CNTN4: variants seen among roughly 807,000 people sequenced by gnomAD.
CNTN4 encodes the protein contactin 4.
A neutral mutation model predicts 122.5 loss-of-function variants in CNTN4; 77 were observed. The observed-to-expected ratio is 0.63, with a 90% CI of 0.52 to 0.76. CNTN4 has a LOEUF of 0.76. CNTN4 is among the 30% of genes least tolerant of loss of function. CNTN4 has a pLI of 0.00. For missense variants in CNTN4, 1,256 were observed against 1,259.1 expected (o/e 1.00, Z 0.04); for synonymous variants, 512 against 447.0 (o/e 1.15, Z -1.83).
intron 2 of CNTN4, among the ~76,000 whole-genome samples, chr3:2,290,849 A>G (rs2042107650): frequency 6.6e-6 from 1 of 152,220 alleles, no homozygotes; most frequent in Non-Finnish European, 1.5e-5. Flanking sequence ...CTTTCAACAG[A>G]AACTTCGGGT....
chr3:2,226,991 A>C (rs544424906), intron 2 of CNTN4, among the ~76,000 whole-genome samples: 1 of 152,300 alleles, frequency 6.6e-6, no homozygotes, highest in South Asian at 2.1e-4. Flanking sequence ...GATGTCACAC[A>C]GATATGTAAG....
intron 2 of CNTN4, among the ~76,000 whole-genome samples, chr3:2,317,708 G>A (rs1306182055): frequency 6.6e-6 from 1 of 152,154 alleles, no homozygotes; most frequent in East Asian, 1.9e-4. Context: ...AGAAATTGGA[G>A]CTGTTACACT....
In CNTN4 at chr3:2,328,385, G is replaced by A. The variant is rs546611729; in HGVS notation, c.-144-10793G>A. Among the ~76,000 whole-genome samples, 831 of 151,820 alleles carry A rather than the reference G, an allele frequency of 5.5e-3. 12 individuals carry two copies. Among genetic ancestry groups the A allele is most frequent in the Non-Finnish European group, 8.3e-3 (562 of 67,928 alleles). On this transcript the variant is annotated intron_variant, in intron 2 of 24. Coordinates refer to ENST00000418658, the MANE Select transcript of CNTN4 (RefSeq NM_175607.3). The stretch of plus-strand genomic sequence containing the variant: ...GGCGCCACCGCCCTCCAGCCTGGGC[G>A]ACAGAGCGAGACTCCGTCTCAAAAA...
At chr3:2,885,840 C>G (rs1199499534) in intron 9 of CNTN4, among the ~76,000 whole-genome samples, 3 of 152,142 alleles carry the variant, frequency 2.0e-5, no homozygotes, top group Non-Finnish European at 4.4e-5. Flanking sequence ...GAGTCTCACA[C>G]ACATTTCTGG....
intron 23 of CNTN4, among the ~76,000 whole-genome samples, chr3:3,044,252 A>C (rs1201080572): frequency 6.6e-6 from 1 of 152,202 alleles, no homozygotes; most frequent in East Asian, 1.9e-4. Flanking sequence ...AGCAATCAAA[A>C]AGGGTTATAA....
At chr3:2,286,985 TA>T (rs940864893) in intron 2 of CNTN4, among the ~76,000 whole-genome samples, 5 of 152,230 alleles carry the variant, frequency 3.3e-5, no homozygotes, top group Admixed American at 1.3e-4. Flanking sequence ...ATGAAGAATC[TA>T]AACAGTTTTG....
intron 2 of CNTN4, among the ~76,000 whole-genome samples, chr3:2,306,752 C>T (rs1685460): frequency 0.3 from 46,295 of 151,878 alleles, 8,361 homozygotes; most frequent in African/African-American, 0.5. Flanking sequence ...TCCATGAACA[C>T]GGGATGTCTT....
At chr3:2,621,189 C>T (rs990080459) in intron 4 of CNTN4, among the ~76,000 whole-genome samples, 8 of 152,166 alleles carry the variant, frequency 5.3e-5, no homozygotes, top group African/African-American at 9.7e-5. Flanking sequence ...TCCTCCTCAC[C>T]TTCTCATCGC....
At chr3:2,641,601 G>A (rs1217080970) in intron 4 of CNTN4, among the ~76,000 whole-genome samples, 1 of 152,150 alleles carries the variant, frequency 6.6e-6, no homozygotes, top group Non-Finnish European at 1.5e-5. Context: ...CAGTGGATGT[G>A]TTTGTGCACC....
At chr3:2,445,302 G>A (rs2048583906) in intron 3 of CNTN4, among the ~76,000 whole-genome samples, 1 of 152,118 alleles carries the variant, frequency 6.6e-6, no homozygotes. Context: ...GTTAGAGGAG[G>A]ACCTGCATAT....
intron 2 of CNTN4, among the ~76,000 whole-genome samples, chr3:2,325,211 G>A (rs4685508): frequency 0.43 from 64,773 of 152,000 alleles, 14,609 homozygotes; most frequent in East Asian, 0.8. Context: ...CAAATAGGAG[G>A]ATCCATTTGT....
chr3:2,382,314 C>T (rs1487978781), intron 3 of CNTN4, among the ~76,000 whole-genome samples: 2 of 151,784 alleles, frequency 1.3e-5, no homozygotes, highest in Non-Finnish European at 2.9e-5. Flanking sequence ...GGATTACAGG[C>T]GCGCTGTAAT....
intron 3 of CNTN4, among the ~76,000 whole-genome samples, chr3:2,373,269 A>C (rs990915413): frequency 4.6e-5 from 7 of 152,092 alleles, no homozygotes; most frequent in African/African-American, 1.7e-4. Context: ...GCACAGTTGC[A>C]CTCCTTGGGC....
At chr3:2,647,842 C>T (rs1471239156) in intron 4 of CNTN4, among the ~76,000 whole-genome samples, 4 of 152,146 alleles carry the variant, frequency 2.6e-5, no homozygotes, top group Non-Finnish European at 5.9e-5. Flanking sequence ...ATTTTATGGT[C>T]ATTGTTAGTT....
intron 3 of CNTN4, among the ~76,000 whole-genome samples, chr3:2,501,596 G>A (rs2076595958): frequency 1.3e-5 from 2 of 152,074 alleles, no homozygotes; most frequent in South Asian, 4.1e-4. Context: ...ATCTTCAAAT[G>A]TCACTCCCCA....
At chr3:2,523,913 G>A (rs2077309307) in intron 3 of CNTN4, among the ~76,000 whole-genome samples, 1 of 152,030 alleles carries the variant, frequency 6.6e-6, no homozygotes, top group Non-Finnish European at 1.5e-5. Flanking sequence ...CATTGTGAAT[G>A]TATTATTGAA....
At chr3:2,729,904 A>T (rs901477241) in intron 4 of CNTN4, among the ~76,000 whole-genome samples, 5 of 152,138 alleles carry the variant, frequency 3.3e-5, no homozygotes, top group Non-Finnish European at 5.9e-5. Flanking sequence ...ACAGAGGGAG[A>T]CCCCATCTCA....
intron 3 of CNTN4, among the ~76,000 whole-genome samples, chr3:2,446,773 C>G (rs1032066646): frequency 4.6e-5 from 7 of 152,092 alleles, no homozygotes; most frequent in African/African-American, 1.4e-4. Flanking sequence ...CATTTTTTTG[C>G]CTTAAAAATG....
chr3:2,875,500 A>G (rs934499358), intron 8 of CNTN4, among the ~76,000 whole-genome samples: 2 of 152,074 alleles, frequency 1.3e-5, no homozygotes, highest in African/African-American at 2.4e-5. Context: ...CCCACCACCT[A>G]TTTTTGTAAA....
Sources: gnomAD v4.1 joint callset for allele counts (sites outside exome capture counted in the v4.1 genomes callset) on GRCh38, gnomAD v4.1.1 for gene constraint, MANE v1.5 for transcripts, NCBI Gene and HGNC (gene_info 2026-07-23, HGNC 2026-07-21) for gene names.